Variants in CEP295 observed in about 807,000 individuals in gnomAD.
CEP295 encodes centrosomal protein 295, also known as centrosomal protein of 295 kDa.
Under a neutral mutation model 291.6 loss-of-function variants are expected in CEP295, and 190 were observed. The ratio of observed to expected loss-of-function variants is 0.65; its 90% CI spans 0.58 to 0.73. CEP295 has a LOEUF of 0.73. CEP295 is among the 30% of genes least tolerant of loss of function. The pLI is 0.00. For missense variants in CEP295, 2,863 were observed against 2,949.4 expected (o/e 0.97, Z 0.68); for synonymous variants, 993 against 1,038.8 (o/e 0.96, Z 0.85).
At chr11:93,666,518 C>T (rs1008575019) in intron 1 of CEP295, among the ~76,000 whole-genome samples, 164 bp from the exon 2 acceptor site, 3 of 152,092 alleles carry the variant, frequency 2.0e-5, no homozygotes, top group African/African-American at 4.8e-5. Context: ...CGCTTGAACA[C>T]GGGAAGCAGA....
At chr11:93,679,902 T>A (rs1950881278) in intron 7 of CEP295, among the ~76,000 whole-genome samples, 1 of 152,248 alleles carries the variant, frequency 6.6e-6, no homozygotes, top group South Asian at 2.1e-4. Context: ...TAAATTTGTA[T>A]TGAGCAAAGC....
Position 93,697,627 on chromosome 11 carries a change from A to G in CEP295, c.2715A>G (p.Ala905=). Residue 905 remains alanine, a synonymous_variant, in exon 15 of 30, where the codon GCA becomes GCG. Transcript: ENST00000325212. ...CTGCTTTATTGCCTTCTGCCAAAGC[A>G]GATTTGGGGAGAATCCAGGAATCTT... is the stretch of plus-strand genomic sequence containing the variant. The part of the protein sequence containing the change: ...DSSALLPSAK[A]DLGRIQESSP... 1 of 1,551,882 alleles carries G rather than the reference A, an allele frequency of 6.4e-7. No homozygotes were observed.
chr11:93,696,992 C>A lies in CEP295; in HGVS notation c.2080C>A (p.Arg694Ser), dbSNP rs71480689. The A allele has an allele frequency of 4.3e-3, 6,725 of 1,551,408 alleles. 14 individuals carry two copies. The highest frequency in any genetic ancestry group is 5.6e-3 in the Non-Finnish European group (6,425 of 1,146,774). Residue 694 changes from arginine to serine, a missense_variant, in exon 15 of 30, where the codon CGC becomes AGC. Arg to Ser is a moderately radical substitution (Grantham distance 110). Transcript: ENST00000325212. ...QRQVETTETL[R>S]ASDILTNQAL... ...ACAGGTGGAAACAACAGAAACATTACGCGCTTCAGATATTTTAACCAATCA... is the reference window on the plus strand; with the variant it reads ...ACAGGTGGAAACAACAGAAACATTAAGCGCTTCAGATATTTTAACCAATCA...
chr11:93,709,214 C>T (rs4363551), intron 18 of CEP295, among the ~76,000 whole-genome samples: 54,005 of 152,048 alleles, frequency 0.36, 10,086 homozygotes, highest in South Asian at 0.49. Context: ...TCAAGAAATC[C>T]TTTGCCCAGA....
chr11:93,721,537 A>C, intron 19 of CEP295, 125 bp downstream of exon 19: 2 of 793,856 alleles, frequency 2.5e-6, no homozygotes, highest in South Asian at 1.3e-5. Context: ...GCTTTTAGTG[A>C]AGTGGATCAA....
At chr11:93,716,803 G>C (rs1953285221) in intron 18 of CEP295, among the ~76,000 whole-genome samples, 1 of 152,210 alleles carries the variant, frequency 6.6e-6, no homozygotes. Context: ...TCTAGATTTT[G>C]CTCTAAAGAG....
At chr11:93,674,599 A>C (rs1950602607) in intron 5 of CEP295, among the ~76,000 whole-genome samples, 1 of 152,216 alleles carries the variant, frequency 6.6e-6, no homozygotes, top group Non-Finnish European at 1.5e-5. Flanking sequence ...TAATTGTCAC[A>C]ATGATCATAT....
intron 9 of CEP295, among the ~76,000 whole-genome samples, chr11:93,684,638 G>T (rs11020486): frequency 2.0e-5 from 3 of 152,088 alleles, no homozygotes; most frequent in African/African-American, 7.2e-5. Context: ...GGTGGAGATC[G>T]TTAGGAAAAG....
intron 19 of CEP295, 61 bp downstream of exon 19, chr11:93,721,473 GT>G: frequency 9.5e-7 from 1 of 1,050,652 alleles, no homozygotes; most frequent in Non-Finnish European, 1.5e-6. Context: ...ATTCTCTTTT[GT>G]TTAGTTTACA....
At chr11:93,679,327 C>A in intron 6 of CEP295, 85 bp from the exon 7 acceptor site, 2 of 1,133,168 alleles carry the variant, frequency 1.8e-6, no homozygotes, top group South Asian at 1.7e-5. Context: ...ATGTAGAAAA[C>A]ATGATTTTAA....
chr11:93,674,288 G>A (rs1950584061), intron 5 of CEP295, among the ~76,000 whole-genome samples: 2 of 152,080 alleles, frequency 1.3e-5, no homozygotes, highest in African/African-American at 4.8e-5. Context: ...TATTGTTTCT[G>A]TTCACTTGAG....
At chr11:93,700,215 A>T in intron 15 of CEP295, 29 bp downstream of exon 15, 5 of 1,491,138 alleles carry the variant, frequency 3.4e-6, no homozygotes, top group Non-Finnish European at 3.6e-6. Context: ...TAATAATGAA[A>T]CACTAGAAGT....
At chr11:93,711,885 G>A (rs1952929256) in intron 18 of CEP295, among the ~76,000 whole-genome samples, 1 of 151,630 alleles carries the variant, frequency 6.6e-6, no homozygotes, top group South Asian at 2.1e-4. Flanking sequence ...GTCTGTCTCT[G>A]ACAATGATCC....
In CEP295 at chr11:93,697,642, C is replaced by A; in HGVS notation, c.2730C>A (p.Ile910=). 6.4e-7 allele frequency: 1 copy of A among 1,551,820 alleles called. No homozygotes were observed. Among genetic ancestry groups the A allele is most frequent in the Non-Finnish European group, 8.7e-7 (1 of 1,147,002 alleles). Residue 910 remains isoleucine (I), a synonymous_variant, in exon 15 of 30, where the codon ATC becomes ATA. Transcript: ENST00000325212. ...CTGCCAAAGCAGATTTGGGGAGAAT[C>A]CAGGAATCTTCACCAACCAAGAATA... The part of the protein sequence containing the change: ...LPSAKADLGR[I]QESSPTKNNI...
chr11:93,724,161 T>C (rs1953964808), intron 21 of CEP295, 93 bp from the exon 22 acceptor site: 2 of 1,176,002 alleles, frequency 1.7e-6, no homozygotes, highest in Non-Finnish European at 1.2e-6. Context: ...TTTATGAATA[T>C]GTTCTTAATA....
In CEP295 at chr11:93,697,194, A is replaced by T. The variant is rs781029264; in HGVS notation, c.2282A>T (p.Gln761Leu). ...GAAACATTTGGGGCAACAACTTTTC[A>T]AAGTTTAGAATCCCAACAATTGTTC... Reference protein sequence around the residue: ...ISETFGATTFQSLESQQLFSE... With the variant: ...ISETFGATTFLSLESQQLFSE... The change falls in exon 15 of 30, where the codon CAA (glutamine) becomes CTA (leucine). Residue 761 changes from glutamine (Q) to leucine (L), a missense_variant. Gln to Leu is a moderately radical substitution (Grantham distance 113). Transcript: ENST00000325212. The T allele has an allele frequency of 1.3e-6, 2 of 1,551,878 alleles. No individual in the cohort carries two copies. Among genetic ancestry groups the T allele is most frequent in the Non-Finnish European group, 8.7e-7 (1 of 1,147,038 alleles).
At position 93,667,749 on chromosome 11, in the gene CEP295, AAC is replaced by A; in HGVS notation, c.252_253del (p.Lys84AsnfsTer20). On this transcript the variant is annotated frameshift_variant, in exon 3 of 30. Transcript: ENST00000325212. LOFTEE classifies it high-confidence loss of function. ...ACTCAGAAAATACAGAACTTGGAAA[AAC>A]TGTATTTGGCAAGTTTAAGAAGTAT... 6.4e-7 allele frequency: 1 copy of A among 1,551,494 alleles called. No individual in the cohort carries two copies. Among genetic ancestry groups the A allele is most frequent in the Non-Finnish European group, 8.7e-7 (1 of 1,146,860 alleles).
At chr11:93,670,125 T>C (rs961337887) in intron 5 of CEP295, among the ~76,000 whole-genome samples, 2 of 152,126 alleles carry the variant, frequency 1.3e-5, no homozygotes, top group African/African-American at 2.4e-5. Context: ...TTAATAATTC[T>C]GCCTTTTGAA....
At position 93,675,561 on chromosome 11, in the gene CEP295, T is replaced by G; in HGVS notation, c.529-10T>G. On this transcript the variant is annotated splice_polypyrimidine_tract_variant and intron_variant, in intron 5 of 29. Coordinates refer to ENST00000325212, the MANE Select transcript of CEP295 (RefSeq NM_033395.2). ...GCTTTTAACCTATTTTTTTATGTTC[T>G]CTTTTCCAGAACATCGAAGTAAAAA... is the stretch of plus-strand genomic sequence containing the variant. 1 of 1,403,760 alleles carries G rather than the reference T, an allele frequency of 7.1e-7. No homozygotes were observed. The allele number at this position is 1,403,760 out of a possible 1,614,324, so 87.0% of individuals were successfully genotyped here.
Sources: allele counts gnomAD v4.1 joint callset (sites outside exome capture counted in the v4.1 genomes callset), GRCh38; gene constraint gnomAD v4.1.1; transcripts MANE v1.5; gene names NCBI Gene and HGNC (gene_info 2026-07-23, HGNC 2026-07-21).